The following ATP10B variants were observed in gnomAD, a reference collection of about 807,000 sequenced individuals.
ATP10B encodes phospholipid-transporting ATPase VB.
A neutral mutation model predicts 141.2 loss-of-function variants in ATP10B; 122 were observed. The observed-to-expected ratio is 0.86, with a 90% CI of 0.75 to 1.00. ATP10B has a LOEUF of 1.00. Ranked by LOEUF, ATP10B falls within the 50% of genes least tolerant of loss-of-function variation. The pLI, the probability that ATP10B is intolerant of heterozygous loss-of-function variation, is 0.00. For missense variants in ATP10B, 1,876 were observed against 1,825.3 expected (o/e 1.03, Z -0.51); for synonymous variants, 685 against 692.0 (o/e 0.99, Z 0.16).
At chr5:160,585,255 A>G (rs1755811742) in intron 24 of ATP10B, among the ~76,000 whole-genome samples, 1 of 152,236 alleles carries the variant, frequency 6.6e-6, no homozygotes. Context: ...TCTAGAGCAG[A>G]TCCTACAAAT....
intron 1 of ATP10B, among the ~76,000 whole-genome samples, chr5:160,804,811 T>A (rs1772660768): frequency 6.6e-6 from 1 of 152,190 alleles, no homozygotes; most frequent in African/African-American, 2.4e-5. Context: ...TAAAAAACAG[T>A]AGCACCTCAT....
chr5:160,759,674 A>G (rs1419613998), intron 2 of ATP10B, among the ~76,000 whole-genome samples: 1 of 152,150 alleles, frequency 6.6e-6, no homozygotes, highest in African/African-American at 2.4e-5. Context: ...ACCCCAAGGA[A>G]TATCCATAGG....
At chr5:160,734,065 G>A (rs1380951590) in intron 2 of ATP10B, among the ~76,000 whole-genome samples, 1 of 124,044 alleles carries the variant, frequency 8.1e-6, no homozygotes, top group African/African-American at 3.2e-5. Context: ...CCGATATCAT[G>A]TCACTGCACT....
chr5:160,635,885 C>T (rs1321657681), intron 11 of ATP10B, among the ~76,000 whole-genome samples: 1 of 152,164 alleles, frequency 6.6e-6, no homozygotes, highest in African/African-American at 2.4e-5. Flanking sequence ...TTTATCTGTT[C>T]TGGCAAAGGG....
chr5:160,751,295 C>A (rs555948394), intron 2 of ATP10B, among the ~76,000 whole-genome samples: 2 of 152,302 alleles, frequency 1.3e-5, no homozygotes, highest in South Asian at 4.1e-4. Flanking sequence ...CCCCCTTTTT[C>A]TCTCTCTCAT....
chr5:160,841,783 G>A (rs1242402356), intron 1 of ATP10B, among the ~76,000 whole-genome samples: 1 of 152,080 alleles, frequency 6.6e-6, no homozygotes, highest in Non-Finnish European at 1.5e-5. Context: ...GGAGTGCAGT[G>A]GCAAGCTCTC....
chr5:160,693,446 A>ACACACACACACC (rs1252282398), intron 3 of ATP10B, among the ~76,000 whole-genome samples: 1 of 147,364 alleles, frequency 6.8e-6, no homozygotes, highest in South Asian at 2.1e-4. Context: ...ACACACACAC[A>ACACACACACACC]CACACACACA....
rs1308515636 is a variant in ATP10B, at chr5:160,652,889, T to TATATTATATATACATGTA, written c.676-3634_676-3633insTACATGTATATATAATAT. ...TATAATATATATAATATATATATAA[T>TATATTATATATACATGTA]TATATAATATATTATATATACATGT... On this transcript the variant is annotated intron_variant, in intron 7 of 25. Coordinates refer to ENST00000327245, the MANE Select transcript of ATP10B (RefSeq NM_025153.3). Among the ~76,000 whole-genome samples, 33 of 32,424 alleles carry TATATTATATATACATGTA rather than the reference T, an allele frequency of 1.0e-3. 2 individuals are homozygous for TATATTATATATACATGTA. The highest frequency in any genetic ancestry group is 1.7e-3 in the African/African-American group (13 of 7,776). The allele number at this position is 32,424 out of a possible 152,430, so 21.3% of individuals were successfully genotyped here. A position where few individuals can be genotyped will look rare whatever the true frequency, so the allele number is the denominator to read the frequency against.
intron 1 of ATP10B, among the ~76,000 whole-genome samples, chr5:160,841,870 G>A (rs1775828957): frequency 6.6e-6 from 1 of 152,094 alleles, no homozygotes; most frequent in Admixed American, 6.6e-5. Context: ...GATTACAGGT[G>A]CGTGCCACCA....
intron 2 of ATP10B, among the ~76,000 whole-genome samples, chr5:160,740,516 TG>T (rs1196243360): frequency 6.6e-6 from 1 of 152,210 alleles, no homozygotes; most frequent in Non-Finnish European, 1.5e-5. Context: ...TGAGGAGCCA[TG>T]TTGAAATATT....
At chr5:160,653,245 CA>C (rs1011068986) in intron 7 of ATP10B, among the ~76,000 whole-genome samples, 7 of 127,300 alleles carry the variant, frequency 5.5e-5, no homozygotes, top group African/African-American at 2.3e-4. Context: ...AGTATATATA[CA>C]TACGTAGTAT....
chr5:160,627,799 C>A (rs145457334), intron 13 of ATP10B, among the ~76,000 whole-genome samples: 1 of 152,226 alleles, frequency 6.6e-6, no homozygotes, highest in African/African-American at 2.4e-5. Context: ...ACAGTGGGAA[C>A]GGTATGCTTC....
chr5:160,652,836 A>G (rs1227407759), intron 7 of ATP10B, among the ~76,000 whole-genome samples: 1 of 99,912 alleles, frequency 1.0e-5, no homozygotes, highest in Non-Finnish European at 1.8e-5. Context: ...TATATATAAT[A>G]TATATTATAA....
At chr5:160,857,454 T>C in the ATP10B span, among the ~76,000 whole-genome samples, 1 of 151,964 alleles carries the variant, frequency 6.6e-6, no homozygotes, top group East Asian at 1.9e-4. Context: ...CTATTAATTC[T>C]ATTTGTTGAT....
intron 22 of ATP10B, among the ~76,000 whole-genome samples, chr5:160,592,227 T>C (rs1402881740): frequency 2.0e-5 from 3 of 152,136 alleles, no homozygotes; most frequent in Non-Finnish European, 4.4e-5. Flanking sequence ...TAATATGAAA[T>C]AGAACCATTG....
chr5:160,707,366 C>T (rs150206243), intron 3 of ATP10B, among the ~76,000 whole-genome samples: 2 of 152,318 alleles, frequency 1.3e-5, no homozygotes, highest in Admixed American at 1.3e-4. Context: ...GCTGGTATTG[C>T]TGGACAGTGA....
At chr5:160,834,493 A>C (rs1289942722) in intron 1 of ATP10B, among the ~76,000 whole-genome samples, 1 of 152,132 alleles carries the variant, frequency 6.6e-6, no homozygotes, top group East Asian at 1.9e-4. Context: ...GATTTTACAT[A>C]TATCATTAAT....
intron 19 of ATP10B, 58 bp from the exon 20 acceptor site, chr5:160,604,099 G>C (rs1757246524): frequency 7.6e-7 from 1 of 1,323,918 alleles, no homozygotes. Flanking sequence ...GTGACAATGA[G>C]GTAGCTCTAA....
intron 7 of ATP10B, among the ~76,000 whole-genome samples, chr5:160,656,701 T>C (rs1234785848): frequency 6.6e-6 from 1 of 151,372 alleles, no homozygotes; most frequent in Non-Finnish European, 1.5e-5. Flanking sequence ...TCACAAAGGG[T>C]CTTTTTTTTT....
Sources: gnomAD v4.1 joint callset for allele counts (sites outside exome capture counted in the v4.1 genomes callset) on GRCh38, gnomAD v4.1.1 for gene constraint, MANE v1.5 for transcripts, NCBI Gene and HGNC (gene_info 2026-07-23, HGNC 2026-07-21) for gene names.